OTUD4: variants seen among roughly 807,000 people sequenced by gnomAD.
OTUD4 encodes the protein OTU deubiquitinase 4, also known as OTU domain-containing protein 4.
OTUD4 carries 24 observed loss-of-function variants against 130.4 expected under a neutral mutation model. That is an observed-to-expected ratio of 0.18 (90% CI 0.13 to 0.26). The LOEUF (loss-of-function observed/expected upper bound fraction) is 0.26, where lower values mean the gene tolerates loss of function less well. Among genes scored for constraint, OTUD4 ranks in the 10% least tolerant of loss-of-function variants. The pLI, the probability that OTUD4 is intolerant of heterozygous loss-of-function variation, is 1.00. For synonymous variants in OTUD4, 420 were observed against 472.5 expected, an observed-to-expected ratio of 0.89 and a Z score of 1.44; for missense variants, 1,031 against 1,329.4, an observed-to-expected ratio of 0.78 and a Z score of 3.49.
chr4:145,141,774 G>GTAAT, intron 18 of OTUD4, 135 bp from the exon 19 acceptor site: 1 of 694,034 alleles, frequency 1.4e-6, no homozygotes, highest in Non-Finnish European at 2.3e-6. Context: ...TCAACCAAGA[G>GTAAT]CCCTCCTGGA....
chr4:145,172,638 C>T (rs748266049), intron 2 of OTUD4, among the ~76,000 whole-genome samples: 3 of 152,256 alleles, frequency 2.0e-5, no homozygotes, highest in Non-Finnish European at 2.9e-5. Context: ...TACTTAAAGA[C>T]ATTAAAGTAT....
At chr4:145,162,843 G>C (rs559185899) in intron 5 of OTUD4, 122 bp from the exon 6 acceptor site, 2 of 511,556 alleles carry the variant, frequency 3.9e-6, no homozygotes, top group Admixed American at 4.1e-5. Context: ...GAGTATTTTA[G>C]GAGTAACCTA....
At chr4:145,152,397 C>A in intron 11 of OTUD4, 144 bp downstream of exon 11, 1 of 576,484 alleles carries the variant, frequency 1.7e-6, no homozygotes, top group Non-Finnish European at 3.1e-6. Context: ...AGGCATGAGC[C>A]ACCGTCCCTG....
intron 13 of OTUD4, among the ~76,000 whole-genome samples, chr4:145,149,868 G>GT (rs1242517671): frequency 6.6e-6 from 1 of 152,162 alleles, no homozygotes; most frequent in East Asian, 1.9e-4. Flanking sequence ...GATGAAGACA[G>GT]TTTCAACATA....
chr4:145,146,369 G>C lies in OTUD4; in HGVS notation c.1320C>G (p.Phe440Leu). Residue 440 changes from phenylalanine (F) to leucine (L), a missense_variant, in exon 14 of 21, where the codon TTC becomes TTG. This residue lies in a region of OTUD4 where 900 missense variants were observed against 1,095.9 expected (regional missense o/e 0.82). Transcript: ENST00000447906. ...CTCTGCGCTCTTCTGGGGAAAGGCCGAAATAGTTAGATTCTCGACTTGTGT... is the reference window on the plus strand; with the variant it reads ...CTCTGCGCTCTTCTGGGGAAAGGCCCAAATAGTTAGATTCTCGACTTGTGT... ...FDHTSRESNY[F>L]GLSPEERREK... The C allele has an allele frequency of 6.3e-7, 1 of 1,590,700 alleles. No individual in the cohort carries two copies. Among genetic ancestry groups the C allele is most frequent in the Non-Finnish European group, 8.5e-7 (1 of 1,170,964 alleles).
At chr4:145,171,634 A>C (rs1752173717) in intron 3 of OTUD4, 36 bp downstream of exon 3, 1 of 901,554 alleles carries the variant, frequency 1.1e-6, no homozygotes, top group Non-Finnish European at 1.8e-6. Context: ...ATTTGGATAT[A>C]TAAAAATAGA....
In OTUD4 at chr4:145,135,837, C is replaced by G. The variant is rs1750218057; in HGVS notation, c.*1593G>C. ...TTAAAACAGCACAGAGGTAAATAAC[C>G]ATTATTACAGTACAGTGGCGATTCA... On this transcript the variant is annotated 3_prime_UTR_variant, in exon 21 of 21. Coordinates refer to ENST00000447906, the MANE Select transcript of OTUD4 (RefSeq NM_001366057.1). 6.6e-6 allele frequency: 1 copy of G among 152,548 alleles called. No homozygotes were observed. Among genetic ancestry groups the G allele is most frequent in the African/African-American group, 2.4e-5 (1 of 41,444 alleles). 9.4% of individuals were successfully genotyped at this position (152,548 alleles called of 1,614,324 possible).
chr4:145,137,748 G>A lies in OTUD4; in HGVS notation c.3027C>T (p.Ala1009=), dbSNP rs145341625. The A allele has an allele frequency of 5.4e-5, 87 of 1,613,742 alleles. No homozygotes were observed. The African/African-American group carries it at 1.0e-3, about 19-fold the overall frequency. The stretch of plus-strand genomic sequence containing the variant: ...TTTGCACTCTGCTATCAACAGAGTT[G>A]GCCCCAGGGCTGACCACATCAGCAG... ...KTAADVVSPG[A]NSVDSRVQRP... The change falls in exon 21 of 21, where the codon GCC becomes GCT. Residue 1009 remains alanine (A), a synonymous_variant. Coordinates refer to ENST00000447906, the MANE Select transcript of OTUD4 (RefSeq NM_001366057.1).
chr4:145,177,707 G>C (rs934143394), intron 1 of OTUD4, among the ~76,000 whole-genome samples: 2 of 152,176 alleles, frequency 1.3e-5, no homozygotes, highest in East Asian at 1.9e-4. Flanking sequence ...GCCCAAATCC[G>C]TAAGTGTAAA....
chr4:145,134,778 C>T lies in OTUD4; in HGVS notation c.*2652G>A, dbSNP rs1318667934. 2.0e-5 allele frequency: 8 copies of T among 398,878 alleles called. No individual in the cohort carries two copies. Among genetic ancestry groups the T allele is most frequent in the Non-Finnish European group, 3.5e-5 (8 of 226,048 alleles). The allele number at this position is 398,878 out of a possible 1,614,324, so 24.7% of individuals were successfully genotyped here. A position where few individuals can be genotyped will look rare whatever the true frequency, so the allele number is the denominator to read the frequency against. On this transcript the variant is annotated 3_prime_UTR_variant, in exon 21 of 21. Transcript: ENST00000447906. Reference sequence around the variant, plus strand: ...AGAGGAAATGAAGAGACATACACAACACCAAAGGGAAAAGGGGGCTGGAAT... The same window carrying T: ...AGAGGAAATGAAGAGACATACACAATACCAAAGGGAAAAGGGGGCTGGAAT...
At chr4:145,179,770 C>CGG in intron 1 of OTUD4, 45 bp downstream of exon 1, 1 of 1,426,526 alleles carries the variant, frequency 7.0e-7, no homozygotes, top group Non-Finnish European at 9.3e-7. Context: ...CCCGCCGGGC[C>CGG]GTCCCCGCCT....
chr4:145,160,744 C>T (rs1314079418), intron 6 of OTUD4, among the ~76,000 whole-genome samples: 1 of 152,114 alleles, frequency 6.6e-6, no homozygotes, highest in Non-Finnish European at 1.5e-5. Flanking sequence ...ACCCAGAAGC[C>T]AGTGGTTGCA....
intron 2 of OTUD4, 60 bp from the exon 3 acceptor site, chr4:145,171,780 C>CT (rs1215588086): frequency 1.0e-5 from 8 of 798,618 alleles, no homozygotes; most frequent in Non-Finnish European, 1.6e-5. Flanking sequence ...CAGTTAACCG[C>CT]TTCGCTGTGT....
chr4:145,170,704 T>A (rs1309923690), intron 3 of OTUD4: 1 of 152,234 alleles, frequency 6.6e-6, no homozygotes, highest in African/African-American at 2.4e-5. Context: ...ACCAAATGGA[T>A]ACATCAGTCA....
At chr4:145,148,140 AT>A (rs1272060265) in intron 13 of OTUD4, among the ~76,000 whole-genome samples, 4 of 152,234 alleles carry the variant, frequency 2.6e-5, no homozygotes, top group African/African-American at 9.6e-5. Context: ...CAAGTAACAC[AT>A]ATAGCTAACA....
chr4:145,178,813 T>C (rs1752549241), intron 1 of OTUD4, among the ~76,000 whole-genome samples: 1 of 152,152 alleles, frequency 6.6e-6, no homozygotes, highest in Non-Finnish European at 1.5e-5. Flanking sequence ...AAAAGTTATT[T>C]AGCATTCAAA....
At position 145,138,660 on chromosome 4, in the gene OTUD4, CAA is replaced by C; in HGVS notation, c.2125-12_2125-11del. ...TAGGACAACTGTATGCCTGAAGAGA[CAA>C]AAAACAGTTAAATAAACAAAAGAGG... On this transcript the variant is annotated splice_polypyrimidine_tract_variant and intron_variant, in intron 20 of 20. Transcript: ENST00000447906. The C allele has an allele frequency of 6.4e-7, 1 of 1,572,850 alleles. No individual in the cohort carries two copies. Among genetic ancestry groups the C allele is most frequent in the Non-Finnish European group, 8.6e-7 (1 of 1,164,318 alleles).
At position 145,143,979 on chromosome 4, in the gene OTUD4, C is replaced by A; in HGVS notation, c.1569G>T (p.Gln523His). Residue 523 changes from glutamine to histidine, a missense_variant, in exon 16 of 21, where the codon CAG becomes CAT. Physicochemically the swap from Gln to His is conservative, Grantham distance 24 (BLOSUM62 0). This residue lies in a region of OTUD4 where 900 missense variants were observed against 1,095.9 expected (regional missense o/e 0.82). Coordinates refer to ENST00000447906, the MANE Select transcript of OTUD4 (RefSeq NM_001366057.1). ...TGCTTGGTTCGGGTCTTTTATCCAA[C>A]TGACTATGTCCATGAATAGAGTCTA... Reference protein sequence around the residue: ...KDKDSIHGHSQLDKRPEPSTL... With the variant: ...KDKDSIHGHSHLDKRPEPSTL... 1 of 1,612,962 alleles carries A rather than the reference C, an allele frequency of 6.2e-7. No individual in the cohort carries two copies. Among genetic ancestry groups the A allele is most frequent in the Non-Finnish European group, 8.5e-7 (1 of 1,179,074 alleles).
chr4:145,147,139 C>G (rs557244058), intron 13 of OTUD4, among the ~76,000 whole-genome samples: 1 of 152,222 alleles, frequency 6.6e-6, no homozygotes, highest in Non-Finnish European at 1.5e-5. Flanking sequence ...TCCATCATGT[C>G]TAACAGTTCT....
Sources: gnomAD v4.1 joint callset for allele counts (sites outside exome capture counted in the v4.1 genomes callset) on GRCh38, gnomAD v4.1.1 for gene constraint, gnomAD v4.1.1 regional missense constraint, MANE v1.5 for transcripts, NCBI Gene and HGNC (gene_info 2026-07-23, HGNC 2026-07-21) for gene names.